Variants in ZNF462 observed in about 807,000 individuals in gnomAD.
ZNF462 encodes zinc finger protein 462.
A neutral mutation model predicts 201.9 loss-of-function variants in ZNF462; 10 were observed. The ratio of observed to expected loss-of-function variants is 0.05; its 90% CI spans 0.03 to 0.08. The LOEUF (loss-of-function observed/expected upper bound fraction) is 0.08, where lower values mean the gene tolerates loss of function less well. ZNF462 is among the 10% of genes least tolerant of loss of function. ZNF462 has a pLI of 1.00. For synonymous variants in ZNF462, 1,227 were observed against 1,193.3 expected (o/e 1.03, Z -0.58); for missense variants, 2,523 against 3,168.3 (o/e 0.80, Z 4.89).
rs1159904011 is a variant in ZNF462, at chr9:106,924,843, G to A, written c.931G>A (p.Glu311Lys). Residue 311 changes from glutamate to lysine, a missense_variant, in exon 3 of 13, where the codon GAG becomes AAG. Around this residue, in one of 15 missense-constraint regions of ZNF462, gnomAD observed 480 missense variants for 544.4 expected, o/e 0.88. Transcript: ENST00000277225. This position sits in a 1 kb window ranked among gnomAD's most constrained non-coding sequence, Gnocchi z 6.2. ...TCTGACCATGAATGCTGCAAGCCGG[G>A]AGATACCCAATACTACCGTCTCCAA... ...TYLTMNAASR[E>K]IPNTTVSNFR... 1 of 1,614,172 alleles carries A rather than the reference G, an allele frequency of 6.2e-7. No individual in the cohort carries two copies. The highest frequency in any genetic ancestry group is 8.5e-7 in the Non-Finnish European group (1 of 1,180,030).
intron 1 of ZNF462, among the ~76,000 whole-genome samples, chr9:106,869,677 G>T (rs1242653059): frequency 6.6e-6 from 1 of 152,128 alleles, no homozygotes; most frequent in South Asian, 2.1e-4. Context: ...GTTGACTGTC[G>T]AAAATAAAAT....
chr9:106,928,661 G>A lies in ZNF462; in HGVS notation c.4749G>A (p.Pro1583=), dbSNP rs756538263. The A allele has an allele frequency of 3.8e-5, 61 of 1,614,114 alleles. No homozygotes were observed. The highest frequency in any genetic ancestry group is 4.9e-5 in the Non-Finnish European group (58 of 1,180,042). ...GYGAYRCKLC[P]YTHGTLEKLK... ...GCGCCTACCGGTGCAAACTGTGTCCGTACACACACGGCACTTTGGAGAAAC... is the reference window on the plus strand; with the variant it reads ...GCGCCTACCGGTGCAAACTGTGTCCATACACACACGGCACTTTGGAGAAAC... Residue 1583 remains proline (P), a synonymous_variant, in exon 3 of 13, where the codon CCG becomes CCA. Coordinates refer to ENST00000277225, the MANE Select transcript of ZNF462 (RefSeq NM_021224.6). The surrounding 1 kb of genome is among the most constrained non-coding windows in gnomAD (Gnocchi z 9.3).
chr9:106,923,388 A>T lies in ZNF462; in HGVS notation c.5A>T (p.Glu2Val), dbSNP rs149053929. Reference sequence around the variant, plus strand: ...GTGAGAGGCTAGACCCAGATCATGGAGGTGCTTCAGTGTGATGGCTGTGAT... The same window carrying T: ...GTGAGAGGCTAGACCCAGATCATGGTGGTGCTTCAGTGTGATGGCTGTGAT... Reference protein sequence around the residue: MEVLQCDGCDFR... With the variant: MVVLQCDGCDFR... The change falls in exon 2 of 13, where the codon GAG (glutamate) becomes GTG (valine). Residue 2 changes from glutamate (E) to valine (V), a missense_variant. Glu to Val is a moderately radical substitution (Grantham distance 121). This residue lies in a region of ZNF462 where 480 missense variants were observed against 544.4 expected (regional missense o/e 0.88). Transcript: ENST00000277225. The surrounding 1 kb of genome is among the most constrained non-coding windows in gnomAD (Gnocchi z 5.6). 6.2e-7 allele frequency: 1 copy of T among 1,614,060 alleles called. No homozygotes were observed. The highest frequency in any genetic ancestry group is 1.3e-5 in the African/African-American group (1 of 75,010).
chr9:106,992,632 C>T (rs979805233), intron 10 of ZNF462, among the ~76,000 whole-genome samples: 1 of 151,956 alleles, frequency 6.6e-6, no homozygotes, highest in Non-Finnish European at 1.5e-5. Flanking sequence ...CAAGAGACTA[C>T]GTATTTTATG....
rs115223806 is a variant in ZNF462, at chr9:106,895,393, G to A, written c.-30-27961G>A. 5.2e-3 allele frequency among the ~76,000 whole-genome samples: 790 copies of A among 152,156 alleles called. 9 individuals carry two copies. Among genetic ancestry groups the A allele is most frequent in the African/African-American group, 0.018 (730 of 41,496 alleles). On this transcript the variant is annotated intron_variant, in intron 1 of 12. Coordinates refer to ENST00000277225, the MANE Select transcript of ZNF462 (RefSeq NM_021224.6). This position sits in a 1 kb window ranked among gnomAD's most constrained non-coding sequence, Gnocchi z 4.4. Reference sequence around the variant, plus strand: ...CCCTCCTCTTCATCCCCAGTGCGTCGTCTGGCCCAGGCTTCCTTTATCTCT... The same window carrying A: ...CCCTCCTCTTCATCCCCAGTGCGTCATCTGGCCCAGGCTTCCTTTATCTCT...
At position 106,930,482 on chromosome 9, in the gene ZNF462, G is replaced by A. The variant is rs1313179873; in HGVS notation, c.5848-43G>A. Reference sequence around the variant, plus strand: ...TGCAAGAATAAATTCTGACAATTGAGGGAGGGCTCGGAGTACTGATGGCTA... The same window carrying A: ...TGCAAGAATAAATTCTGACAATTGAAGGAGGGCTCGGAGTACTGATGGCTA... On this transcript the variant is annotated intron_variant, in intron 3 of 12. Coordinates refer to ENST00000277225, the MANE Select transcript of ZNF462 (RefSeq NM_021224.6). The surrounding 1 kb of genome is among the most constrained non-coding windows in gnomAD (Gnocchi z 5.8). 1.2e-6 allele frequency: 2 copies of A among 1,600,666 alleles called. No homozygotes were observed. The highest frequency in any genetic ancestry group is 4.5e-5 in the East Asian group (2 of 44,568).
intron 10 of ZNF462, chr9:106,995,378 C>T (rs956165987): frequency 7.2e-5 from 11 of 152,020 alleles, no homozygotes; most frequent in South Asian, 2.1e-4. Context: ...GAAAAAAATT[C>T]GGAAAGGATG....
At chr9:106,875,918 G>A (rs543888708) in intron 1 of ZNF462, among the ~76,000 whole-genome samples, 16 of 152,296 alleles carry the variant, frequency 1.1e-4, no homozygotes, top group African/African-American at 2.9e-4. Context: ...ATATGTATAT[G>A]TATGTATATG....
rs894389087 is a variant in ZNF462, at chr9:106,905,291, A to T, written c.-30-18063A>T. On this transcript the variant is annotated intron_variant, in intron 1 of 12. Coordinates refer to ENST00000277225, the MANE Select transcript of ZNF462 (RefSeq NM_021224.6). This position sits in a 1 kb window ranked among gnomAD's most constrained non-coding sequence, Gnocchi z 5.9. ...ATGTGAATTGTCTAAGGGGTCTCTC[A>T]GCCATGGATACCAGCACCTGTTCTG... 6.6e-6 allele frequency among the ~76,000 whole-genome samples: 1 copy of T among 152,200 alleles called. No individual in the cohort carries two copies. Among genetic ancestry groups the T allele is most frequent in the Non-Finnish European group, 1.5e-5 (1 of 68,038 alleles).
In ZNF462 at chr9:106,863,219, C is replaced by T. The variant is rs1006834292; in HGVS notation, c.-167C>T. 87 of 399,122 alleles carry T rather than the reference C, an allele frequency of 2.2e-4. No individual in the cohort carries two copies. Among genetic ancestry groups the T allele is most frequent in the Middle Eastern group, 6.2e-4 (1 of 1,612 alleles). 24.7% of individuals were successfully genotyped at this position (399,122 alleles called of 1,614,324 possible). On this transcript the variant is annotated 5_prime_UTR_variant, in exon 1 of 13. Coordinates refer to ENST00000277225, the MANE Select transcript of ZNF462 (RefSeq NM_021224.6). ...AGATGGCGATCCTCCATTGCTGAGA[C>T]CCGGCAGAAGCACATGAGACTCCCA...
intron 1 of ZNF462, among the ~76,000 whole-genome samples, chr9:106,897,626 C>T (rs1416200138): frequency 1.3e-5 from 2 of 152,132 alleles, no homozygotes; most frequent in African/African-American, 2.4e-5. Context: ...TAAGGGCACT[C>T]CTCTTTGTCT....
intron 7 of ZNF462, among the ~76,000 whole-genome samples, chr9:106,939,743 G>A (rs1246852886): frequency 6.6e-6 from 1 of 152,198 alleles, no homozygotes; most frequent in Non-Finnish European, 1.5e-5. Flanking sequence ...AGCTGTAGGG[G>A]AGAGAAAGAG....
chr9:106,928,052 C>T lies in ZNF462; in HGVS notation c.4140C>T (p.Ser1380=), dbSNP rs149809830. Residue 1380 remains serine (S), a synonymous_variant, in exon 3 of 13, where the codon TCC becomes TCT. Transcript: ENST00000277225. This position sits in a 1 kb window ranked among gnomAD's most constrained non-coding sequence, Gnocchi z 9.3. ...GGGACTGTGTTTTCGAAGCTGTTTC[C>T]ATCTGGGACATCACTAATCACTACC... is the stretch of plus-strand genomic sequence containing the variant. The part of the protein sequence containing the change: ...RCRDCVFEAV[S]IWDITNHYQA... 5 of 1,614,152 alleles carry T rather than the reference C, an allele frequency of 3.1e-6. No homozygotes were observed. The highest frequency in any genetic ancestry group is 4.2e-6 in the Non-Finnish European group (5 of 1,180,036).
chr9:106,926,189 G>T lies in ZNF462; in HGVS notation c.2277G>T (p.Gln759His). ...IEVPTSFSAQ[Q>H]IWVRDTSEPQ... ...TTCCCACTTCCTTTTCTGCCCAACA[G>T]ATATGGGTAAGAGATACCAGTGAGC... Residue 759 changes from glutamine to histidine, a missense_variant, in exon 3 of 13, where the codon CAG becomes CAT. By Grantham distance (24) the Gln-to-His change is conservative. This residue lies in a region of ZNF462 where 383 missense variants were observed against 453.4 expected (regional missense o/e 0.84). Transcript: ENST00000277225. The surrounding 1 kb of genome is among the most constrained non-coding windows in gnomAD (Gnocchi z 7.9). The T allele has an allele frequency of 6.2e-7, 1 of 1,614,202 alleles. No individual in the cohort carries two copies. The highest frequency in any genetic ancestry group is 2.2e-5 in the East Asian group (1 of 44,880).
chr9:106,864,258 C>T (rs926518571), intron 1 of ZNF462, among the ~76,000 whole-genome samples: 58 of 152,022 alleles, frequency 3.8e-4, no homozygotes, highest in Non-Finnish European at 7.1e-4. Flanking sequence ...GGCTGAGGAG[C>T]TGTCTCCAGG....
intron 1 of ZNF462, among the ~76,000 whole-genome samples, chr9:106,898,772 T>C (rs1355074283): frequency 2.6e-5 from 4 of 152,128 alleles, no homozygotes; most frequent in Non-Finnish European, 5.9e-5. Context: ...AATGGTTTTG[T>C]ATGGTTTAGA....
intron 7 of ZNF462, among the ~76,000 whole-genome samples, chr9:106,953,100 T>C (rs1290961339): frequency 6.6e-6 from 1 of 152,242 alleles, no homozygotes; most frequent in African/African-American, 2.4e-5. Flanking sequence ...TTCTGCGATC[T>C]TATCTTCCAA....
At chr9:106,907,760 TTTC>T (rs1288271286) in intron 1 of ZNF462, among the ~76,000 whole-genome samples, 2 of 152,018 alleles carry the variant, frequency 1.3e-5, no homozygotes, top group African/African-American at 4.8e-5. Flanking sequence ...TTCTTCGACT[TTTC>T]TTCTTCTGTC....
Position 106,974,283 on chromosome 9 carries a change from C to T in ZNF462, c.6832+10C>T. 1 of 1,614,026 alleles carries T rather than the reference C, an allele frequency of 6.2e-7. No individual in the cohort carries two copies. The highest frequency in any genetic ancestry group is 8.5e-7 in the Non-Finnish European group (1 of 1,180,016). ...ATCGTGCTGCACCGAGGTAACCTTT[C>T]TAACTTGGTTTTCTTGGATGCAGCG... On this transcript the variant is annotated intron_variant, in intron 9 of 12. Transcript: ENST00000277225. This position sits in a 1 kb window ranked among gnomAD's most constrained non-coding sequence, Gnocchi z 4.0.
Sources: gnomAD v4.1 joint callset for allele counts (sites outside exome capture counted in the v4.1 genomes callset) on GRCh38, gnomAD v4.1.1 for gene constraint, gnomAD v4.1.1 regional missense constraint, Gnocchi (gnomAD v3.1) non-coding constraint, MANE v1.5 for transcripts, NCBI Gene and HGNC (gene_info 2026-07-23, HGNC 2026-07-21) for gene names.